The following GDPD2 variants were observed in gnomAD, a reference collection of about 807,000 sequenced individuals.
GDPD2 encodes glycerophosphodiester phosphodiesterase 3.
A neutral mutation model predicts 49.2 loss-of-function variants in GDPD2; 23 were observed. The observed-to-expected ratio is 0.47, with a 90% confidence interval of 0.34 to 0.66. The LOEUF is 0.66. Ranked by LOEUF, GDPD2 falls within the 30% of genes least tolerant of loss-of-function variation. GDPD2 has a pLI of 0.01. For synonymous variants in GDPD2, 167 were observed against 171.4 expected (o/e 0.97, Z 0.20); for missense variants, 338 against 424.7 (o/e 0.80, Z 1.79).
intron 7 of GDPD2, 31 bp from the exon 8 acceptor site, chrX:70,426,835 T>C: frequency 8.3e-7 from 1 of 1,205,238 alleles, no homozygotes; most frequent in Non-Finnish European, 1.1e-6. Context: ...CCCTTGCCCA[T>C]TCTTGAAAGC....
chrX:70,433,251 A>G lies in GDPD2; in HGVS notation c.*165A>G. 1 of 463,006 alleles carries G rather than the reference A, an allele frequency of 2.2e-6. No individual in the cohort carries two copies. Among genetic ancestry groups the G allele is most frequent in the African/African-American group, 2.4e-5 (1 of 42,501 alleles). 38.2% of individuals were successfully genotyped at this position (463,006 alleles called of 1,213,427 possible). A position where few individuals can be genotyped will look rare whatever the true frequency, so the allele number is the denominator to read the frequency against. ...AGGGCCCTCTGCCCAGGTGATGGGC[A>G]TTCCCTAAGCTGCTATGGAATCTGC... On this transcript the variant is annotated 3_prime_UTR_variant, in exon 16 of 16. Coordinates refer to ENST00000374382, the MANE Select transcript of GDPD2 (RefSeq NM_017711.4).
chrX:70,431,127 G>A (rs2086473464), intron 12 of GDPD2: 1 of 1,144,867 alleles, frequency 8.7e-7, no homozygotes, highest in Non-Finnish European at 1.2e-6. Flanking sequence ...ACCTAGCTAT[G>A]TAAGTATTTA....
intron 10 of GDPD2, chrX:70,427,969 CT>C (rs1230151643): frequency 1.8e-5 from 2 of 112,411 alleles, no homozygotes; most frequent in Admixed American, 9.4e-5. Context: ...TCCTCTTCCC[CT>C]GATTGTAAAA....
chrX:70,431,146 A>G (rs1164113312), intron 12 of GDPD2: 2 of 1,120,336 alleles, frequency 1.8e-6, no homozygotes, highest in East Asian at 6.6e-5. Context: ...TATTTCCCCG[A>G]GTTATCACCA....
rs1182430900 is a variant in GDPD2 at position 70,426,730 on chromosome X, T to A, written c.545T>A (p.Ile182Asn). The A allele has an allele frequency of 2.5e-6, 3 of 1,202,891 alleles. No individual in the cohort carries two copies. The highest frequency in any genetic ancestry group is 3.5e-5 in the South Asian group (2 of 56,690). ...AWPVADTFYR[I>N]HRRGPKILLL... ...CCTGTGGCTGATACCTTCTACCGTA[T>A]CCACCGAAGAGGTGCCAACGCTGCT... is the stretch of plus-strand genomic sequence containing the variant. The change falls in exon 7 of 16, where the codon ATC becomes AAC. Residue 182 changes from isoleucine to asparagine, a missense_variant. Transcript: ENST00000374382.
chrX:70,425,018 G>T lies in GDPD2; in HGVS notation c.34G>T (p.Ala12Ser). The T allele has an allele frequency of 8.3e-7, 1 of 1,199,611 alleles. No homozygotes were observed. The highest frequency in any genetic ancestry group is 1.8e-5 in the South Asian group (1 of 55,004). ...GTCCCCCGGCTGCTGCTCCGTCTGG[G>T]CCCGCTGCCTCCACTGCCTGTATAG... is the stretch of plus-strand genomic sequence containing the variant. ...AESPGCCSVW[A>S]RCLHCLYSCH... The change falls in exon 2 of 16, where the codon GCC becomes TCC. Residue 12 changes from alanine to serine, a missense_variant. Coordinates refer to ENST00000374382, the MANE Select transcript of GDPD2 (RefSeq NM_017711.4).
intron 12 of GDPD2, among the ~76,000 whole-genome samples, chrX:70,430,533 A>G (rs2086466376): frequency 1.8e-5 from 2 of 111,243 alleles, no homozygotes; most frequent in South Asian, 7.7e-4. Context: ...AGGGGAAGCT[A>G]GAGAAGCAGG....
At chrX:70,428,609 C>A (rs773611399) in intron 10 of GDPD2, among the ~76,000 whole-genome samples, 1 of 111,837 alleles carries the variant, frequency 8.9e-6, no homozygotes, top group Admixed American at 9.5e-5. Flanking sequence ...TGATTAACAG[C>A]AAAGGATGTC....
At chrX:70,427,517 C>G in intron 10 of GDPD2, 54 bp downstream of exon 10, 10 of 1,024,470 alleles carry the variant, frequency 9.8e-6, no homozygotes, top group Non-Finnish European at 1.2e-5. Flanking sequence ...TCAGAGAGGG[C>G]AGAGTTCATT....
In GDPD2 at chrX:70,427,553, T is replaced by G. The variant is rs993337922; in HGVS notation, c.936+90T>G. The G allele has an allele frequency of 2.6e-5, 20 of 755,659 alleles. No homozygotes were observed. In the African/African-American group the frequency reaches 4.0e-4, roughly 15 times the overall value. 62.3% of individuals were successfully genotyped at this position (755,659 alleles called of 1,213,427 possible). ...CTGTTGATAAGCATTTGCTCAGCCC[T>G]GTGCTAGGCAATAAGAACATAGTCT... On this transcript the variant is annotated intron_variant, in intron 10 of 15. Coordinates refer to ENST00000374382, the MANE Select transcript of GDPD2 (RefSeq NM_017711.4).
chrX:70,427,024 C>G lies in GDPD2; in HGVS notation c.702+13C>G, dbSNP rs1190676286. 10 of 1,146,171 alleles carry G rather than the reference C, an allele frequency of 8.7e-6. No individual in the cohort carries two copies. Among genetic ancestry groups the G allele is most frequent in the Non-Finnish European group, 1.2e-5 (10 of 841,229 alleles). The allele number at this position is 1,146,171 out of a possible 1,213,427, so 94.5% of individuals were successfully genotyped here. A position where few individuals can be genotyped will look rare whatever the true frequency, so the allele number is the denominator to read the frequency against. On this transcript the variant is annotated intron_variant, in intron 8 of 15. Transcript: ENST00000374382. ...AGGGGCCCCCATGGTGAGTGTTGGA[C>G]AGAATGCTGGGAGGGTGGGGAGGGT...
chrX:70,426,950 T>C lies in GDPD2; in HGVS notation c.641T>C (p.Ile214Thr), dbSNP rs377174624. 1 of 1,208,407 alleles carries C rather than the reference T, an allele frequency of 8.3e-7. No individual in the cohort carries two copies. The highest frequency in any genetic ancestry group is 3.0e-5 in the East Asian group (1 of 33,712). The change falls in exon 8 of 16, where the codon ATC becomes ACC. Residue 214 changes from isoleucine to threonine, a missense_variant. By Grantham distance (89) the Ile-to-Thr change is moderately conservative. Coordinates refer to ENST00000374382, the MANE Select transcript of GDPD2 (RefSeq NM_017711.4). The stretch of plus-strand genomic sequence containing the variant: ...CCCCTATGCATCTCCTCACCCTGCA[T>C]CATGGAACCCAGAGACTTACCACCC... ...LAPLCISSPC[I>T]MEPRDLPPKP...
chrX:70,429,054 A>G (rs2086451296), intron 10 of GDPD2, among the ~76,000 whole-genome samples: 1 of 112,109 alleles, frequency 8.9e-6, no homozygotes, highest in Admixed American at 9.5e-5. Context: ...CCCCAGTTCT[A>G]GGGGTGGAGG....
chrX:70,425,601 A>T, intron 3 of GDPD2, 144 bp downstream of exon 3: 1 of 551,514 alleles, frequency 1.8e-6, no homozygotes, highest in South Asian at 2.5e-5. Flanking sequence ...ATCTCCTTAG[A>T]AAATCCCTCC....
At position 70,425,338 on chromosome X, in the gene GDPD2, T is replaced by C. The variant is rs752203987; in HGVS notation, c.106-16T>C. The C allele has an allele frequency of 3.6e-6, 4 of 1,101,494 alleles. No individual in the cohort carries two copies. Among genetic ancestry groups the C allele is most frequent in the Non-Finnish European group, 5.0e-6 (4 of 794,234 alleles). The allele number at this position is 1,101,494 out of a possible 1,213,427, so 90.8% of individuals were successfully genotyped here. A position where few individuals can be genotyped will look rare whatever the true frequency, so the allele number is the denominator to read the frequency against. ...AGTAGGTATTGGTTGTGAGTTTCTC[T>C]CCTGCCCCTTTGCAGTGCGACTGTA... On this transcript the variant is annotated splice_polypyrimidine_tract_variant and intron_variant, in intron 2 of 15. Transcript: ENST00000374382.
Position 70,432,356 on chromosome X carries a change from C to G in GDPD2, c.1357C>G (p.Pro453Ala), listed in dbSNP as rs190991689. The change falls in exon 13 of 16, where the codon CCC becomes GCC. Residue 453 changes from proline to alanine, a missense_variant. By Grantham distance (27) the Pro-to-Ala change is conservative. Coordinates refer to ENST00000374382, the MANE Select transcript of GDPD2 (RefSeq NM_017711.4). Reference protein sequence around the residue: ...VSVNLFVVNKPWLFSLLWCAG... With the variant: ...VSVNLFVVNKAWLFSLLWCAG... ...GGTGAACCTATTTGTAGTGAACAAG[C>G]CCTGGCTCTTCTCTCTGCTTTGGTG... is the stretch of plus-strand genomic sequence containing the variant. 117 of 1,204,802 alleles carry G rather than the reference C, an allele frequency of 9.7e-5. 1 individual carries two copies. The highest frequency in any genetic ancestry group is 1.7e-4 in the Admixed American group (8 of 45,768).
rs1405822237 is a variant in GDPD2, at chrX:70,428,033, T to C, written c.936+570T>C. ...AACATCAGAGAAATAAGAAATAACATAGAAATCAAAGTCTCCCATAATCCA... is the reference window on the plus strand; with the variant it reads ...AACATCAGAGAAATAAGAAATAACACAGAAATCAAAGTCTCCCATAATCCA... On this transcript the variant is annotated intron_variant, in intron 10 of 15. Coordinates refer to ENST00000374382, the MANE Select transcript of GDPD2 (RefSeq NM_017711.4). 3 of 111,854 alleles carry C rather than the reference T, an allele frequency of 2.7e-5. No homozygotes were observed. The Admixed American group carries it at 2.9e-4, about 11-fold the overall frequency. The allele number at this position is 111,854 out of a possible 1,213,427, so 9.2% of individuals were successfully genotyped here. A position where few individuals can be genotyped will look rare whatever the true frequency, so the allele number is the denominator to read the frequency against.
In GDPD2 at chrX:70,431,144, C is replaced by T. The variant is rs762489977; in HGVS notation, c.1307+1081C>T. 135 of 1,119,543 alleles carry T rather than the reference C, an allele frequency of 1.2e-4. No individual in the cohort carries two copies. The South Asian group carries it at 2.1e-3, about 17-fold the overall frequency. The allele number at this position is 1,119,543 out of a possible 1,213,427, so 92.3% of individuals were successfully genotyped here. The stretch of plus-strand genomic sequence containing the variant: ...CTAGCTATGTAAGTATTTATTTCCC[C>T]GAGTTATCACCAAAGAGGAAGACAT... On this transcript the variant is annotated intron_variant, in intron 12 of 15. Transcript: ENST00000374382.
intron 10 of GDPD2, among the ~76,000 whole-genome samples, chrX:70,428,926 G>A (rs6625609): frequency 0.016 from 1,842 of 112,056 alleles, 36 homozygotes; most frequent in African/African-American, 0.056. Flanking sequence ...TAGGGGGAAT[G>A]GGAGAGGGAG....
Sources: gnomAD v4.1 joint callset for allele counts (sites outside exome capture counted in the v4.1 genomes callset) on GRCh38, gnomAD v4.1.1 for gene constraint, MANE v1.5 for transcripts, NCBI Gene and HGNC (gene_info 2026-07-23, HGNC 2026-07-21) for gene names.